The following RERE variants were observed in gnomAD, a reference collection of about 807,000 sequenced individuals.
RERE encodes the protein arginine-glutamic acid dipeptide repeats.
In RERE, 40 loss-of-function variants were observed where a neutral mutation model predicts 146.1. The ratio of observed to expected loss-of-function variants is 0.27; its 90% CI spans 0.21 to 0.36. The LOEUF (loss-of-function observed/expected upper bound fraction) is 0.36, where lower values mean the gene tolerates loss of function less well. Ranked by LOEUF, RERE falls within the 10% of genes least tolerant of loss-of-function variation. The pLI is 1.00. For missense variants in RERE, 1,933 were observed against 2,138.7 expected (o/e 0.90, Z 1.90); for synonymous variants, 1,003 against 866.0 (o/e 1.16, Z -2.78).
chr1:8,537,752 A>G (rs1399591213), intron 7 of RERE, among the ~76,000 whole-genome samples: 1 of 152,232 alleles, frequency 6.6e-6, no homozygotes, highest in Non-Finnish European at 1.5e-5. Context: ...ACAGTCAGTC[A>G]GTTTCCCACT....
chr1:8,756,487 T>A (rs1393726394), intron 1 of RERE, among the ~76,000 whole-genome samples: 2 of 152,188 alleles, frequency 1.3e-5, no homozygotes, highest in Non-Finnish European at 2.9e-5. Context: ...GAGCATGCCA[T>A]ATAATAAATT....
At chr1:8,639,447 G>A (rs994583706) in intron 2 of RERE, among the ~76,000 whole-genome samples, 27 of 152,136 alleles carry the variant, frequency 1.8e-4, no homozygotes, top group African/African-American at 6.5e-4. Context: ...AATCATTCTG[G>A]TTTATAACCC....
At chr1:8,422,938 C>T (rs1053257073) in intron 11 of RERE, 131 bp from the exon 12 acceptor site, 15 of 678,366 alleles carry the variant, frequency 2.2e-5, no homozygotes, top group Non-Finnish European at 3.6e-5. Context: ...TGCCGAGGCT[C>T]GGAGAGTATG....
chr1:8,436,483 G>A (rs1644171303), intron 11 of RERE, among the ~76,000 whole-genome samples: 1 of 151,994 alleles, frequency 6.6e-6, no homozygotes, highest in African/African-American at 2.4e-5. Context: ...ACCTTTCCTT[G>A]GCAAAGTAGA....
chr1:8,809,452 A>T (rs555077967), intron 1 of RERE, among the ~76,000 whole-genome samples: 13 of 152,354 alleles, frequency 8.5e-5, no homozygotes, highest in Non-Finnish European at 1.8e-4. Context: ...ATGTTACTAC[A>T]AGAGACAATA....
chr1:8,409,652 T>G (rs1007864293), intron 12 of RERE, among the ~76,000 whole-genome samples: 3 of 152,216 alleles, frequency 2.0e-5, no homozygotes, highest in African/African-American at 7.2e-5. Flanking sequence ...AACAGATGAT[T>G]TGAAACAAAA....
chr1:8,742,666 C>A (rs865950997), intron 1 of RERE, among the ~76,000 whole-genome samples: 1 of 151,942 alleles, frequency 6.6e-6, no homozygotes, highest in Non-Finnish European at 1.5e-5. Flanking sequence ...ACAAAACTTA[C>A]AAAAATTAGC....
chr1:8,358,943 G>A, intron 19 of RERE, 27 bp from the exon 20 acceptor site: 2 of 1,504,150 alleles, frequency 1.3e-6, no homozygotes, highest in Non-Finnish European at 1.8e-6. Flanking sequence ...AAGCGTGAGG[G>A]GTCCCCCGAG....
intron 1 of RERE, among the ~76,000 whole-genome samples, chr1:8,698,565 G>C (rs753731694): frequency 3.2e-4 from 49 of 152,242 alleles, no homozygotes; most frequent in African/African-American, 8.9e-4. Context: ...AACTACAAAA[G>C]CTCATTCATC....
At position 8,364,153 on chromosome 1, in the gene RERE, G is replaced by A. The variant is rs769583785; in HGVS notation, c.1643C>T (p.Pro548Leu). 9 of 1,614,146 alleles carry A rather than the reference G, an allele frequency of 5.6e-6. No homozygotes were observed. In the East Asian group the frequency reaches 2.0e-4, roughly 36 times the overall value. ...KYGELPPIEK[P>L]VDPPPFMFKP... ...GAACATAAACGGTGGCGGGTCCACGGGCTTCTCAATGGGCGGGAGCTCACC... is the reference window on the plus strand; with the variant it reads ...GAACATAAACGGTGGCGGGTCCACGAGCTTCTCAATGGGCGGGAGCTCACC... Residue 548 changes from proline to leucine, a missense_variant, in exon 15 of 23, where the codon CCC becomes CTC. This residue lies in a region of RERE where 260 missense variants were observed against 378.4 expected (regional missense o/e 0.69). Coordinates refer to ENST00000400908, the MANE Select transcript of RERE (RefSeq NM_001042681.2). This position sits in a 1 kb window ranked among gnomAD's most constrained non-coding sequence, Gnocchi z 5.1.
intron 1 of RERE, among the ~76,000 whole-genome samples, chr1:8,712,479 C>G (rs1639687942): frequency 6.6e-6 from 1 of 152,172 alleles, no homozygotes; most frequent in Non-Finnish European, 1.5e-5. Flanking sequence ...TCAGCTGACT[C>G]TGGTATGTTT....
chr1:8,581,458 T>G (rs1409156853), intron 4 of RERE, among the ~76,000 whole-genome samples: 1 of 152,262 alleles, frequency 6.6e-6, no homozygotes, highest in African/African-American at 2.4e-5. Context: ...CAATGTCTTT[T>G]GATGAATTCC....
rs138385949 is a variant in RERE at position 8,446,474 on chromosome 1, C to T, written c.1203+19451G>A. ...GATTATGTGTCTTGGGGTTGCTCTT[C>T]TCGAGGAGTATCTTTGTGGTGGTCT... On this transcript the variant is annotated intron_variant, in intron 11 of 22. Transcript: ENST00000400908. 7.8e-3 allele frequency among the ~76,000 whole-genome samples: 1,189 copies of T among 152,224 alleles called. 14 individuals are homozygous for T. Among genetic ancestry groups the T allele is most frequent in the African/African-American group, 0.027 (1,130 of 41,536 alleles).
intron 9 of RERE, among the ~76,000 whole-genome samples, chr1:8,496,795 C>T (rs1044469825): frequency 9.2e-5 from 14 of 152,168 alleles, no homozygotes; most frequent in Admixed American, 9.2e-4. Context: ...GTAGGCAAGC[C>T]ACAAAAATGT....
chr1:8,699,065 T>A (rs934246290), intron 1 of RERE, among the ~76,000 whole-genome samples: 1 of 152,196 alleles, frequency 6.6e-6, no homozygotes, highest in Admixed American at 6.5e-5. Context: ...TTTGTCCTCC[T>A]CCACTGGAAA....
At chr1:8,679,972 A>G (rs1638927211) in intron 1 of RERE, among the ~76,000 whole-genome samples, 1 of 152,190 alleles carries the variant, frequency 6.6e-6, no homozygotes, top group Non-Finnish European at 1.5e-5. Context: ...AATTCTCTAA[A>G]ATTTAAACTA....
At chr1:8,775,064 G>T (rs1165202237) in intron 1 of RERE, among the ~76,000 whole-genome samples, 2 of 143,684 alleles carry the variant, frequency 1.4e-5, no homozygotes, top group South Asian at 4.5e-4. Flanking sequence ...GGGTTCAAGC[G>T]ATTCTCCTGC....
At position 8,355,635 on chromosome 1, in the gene RERE, G is replaced by A. The variant is rs781728631; in HGVS notation, c.4487-36C>T. 2.0e-6 allele frequency: 3 copies of A among 1,531,586 alleles called. No individual in the cohort carries two copies. The South Asian group carries it at 3.8e-5, about 19-fold the overall frequency. 94.9% of individuals were successfully genotyped at this position (1,531,586 alleles called of 1,614,324 possible). On this transcript the variant is annotated intron_variant, in intron 21 of 22. Coordinates refer to ENST00000400908, the MANE Select transcript of RERE (RefSeq NM_001042681.2). ...CAAAACAACCTGCGCTACAGAAATA[G>A]CCAGAGGACTGGCCAAGACCAGGGC...
chr1:8,556,341 C>A (rs1177713097), intron 6 of RERE, 134 bp downstream of exon 6: 2 of 577,878 alleles, frequency 3.5e-6, no homozygotes, highest in Admixed American at 4.9e-5. Context: ...AGAGCGGACA[C>A]TGGCATGTTC....
Sources: gnomAD v4.1 joint callset for allele counts (sites outside exome capture counted in the v4.1 genomes callset) on GRCh38, gnomAD v4.1.1 for gene constraint, gnomAD v4.1.1 regional missense constraint, Gnocchi (gnomAD v3.1) non-coding constraint, MANE v1.5 for transcripts, NCBI Gene and HGNC (gene_info 2026-07-23, HGNC 2026-07-21) for gene names.